NMD3: variants seen among roughly 807,000 people sequenced by gnomAD.
NMD3 encodes the protein 60S ribosomal export protein NMD3.
Under a neutral mutation model 73.1 loss-of-function variants are expected in NMD3, and 47 were observed. The observed-to-expected ratio is 0.64, with a 90% CI of 0.51 to 0.82. NMD3 has a LOEUF of 0.82. NMD3 is among the 40% of genes least tolerant of loss of function. The probability of loss-of-function intolerance (pLI) is 0.00; values close to 1 mark genes in which losing one functional copy is unlikely to be tolerated. For synonymous variants in NMD3, 210 were observed against 194.5 expected, an observed-to-expected ratio of 1.08 and a Z score of -0.66; for missense variants, 554 against 612.5, an observed-to-expected ratio of 0.90 and a Z score of 1.01.
downstream of NMD3, chr3:161,253,330 G>A (rs1304381260): frequency 2.6e-5 from 4 of 152,108 alleles, no homozygotes; most frequent in Non-Finnish European, 4.4e-5. Flanking sequence ...ACATAACTGG[G>A]TATGTTATTT....
chr3:161,224,718 C>G (rs1736239810), intron 2 of NMD3, among the ~76,000 whole-genome samples: 1 of 151,902 alleles, frequency 6.6e-6, no homozygotes, highest in Non-Finnish European at 1.5e-5. Context: ...AACTCCTTAT[C>G]TCAGGTGATC....
At position 161,242,497 on chromosome 3, in the gene NMD3, C is replaced by T. The variant is rs199645863; in HGVS notation, c.872-11C>T. On this transcript the variant is annotated splice_polypyrimidine_tract_variant and intron_variant, in intron 10 of 15. Coordinates refer to ENST00000351193, the MANE Select transcript of NMD3 (RefSeq NM_015938.5). Reference sequence around the variant, plus strand: ...TTTTCTTATGTTTTTGTGTTCTATCCTTATTTTTAGTGGCAGATATTGATG... The same window carrying T: ...TTTTCTTATGTTTTTGTGTTCTATCTTTATTTTTAGTGGCAGATATTGATG... 8.2e-5 allele frequency: 132 copies of T among 1,608,664 alleles called. No individual in the cohort carries two copies. In the East Asian group the frequency reaches 2.9e-3, roughly 35 times the overall value.
chr3:161,241,420 C>CT (rs35893497), intron 10 of NMD3, among the ~76,000 whole-genome samples: 35,994 of 126,160 alleles, frequency 0.29, 5,936 homozygotes, highest in East Asian at 0.52. Context: ...CTGAAATTGA[C>CT]TTTTTTTTTT....
At chr3:161,237,537 T>G (rs137890023) in intron 7 of NMD3, among the ~76,000 whole-genome samples, 1 of 132,230 alleles carries the variant, frequency 7.6e-6, no homozygotes, top group African/African-American at 2.9e-5. Context: ...AAAATAACTT[T>G]CTTTTTTTTT....
At chr3:161,226,421 TG>T (rs1371265283) in intron 3 of NMD3, among the ~76,000 whole-genome samples, 1 of 151,636 alleles carries the variant, frequency 6.6e-6, no homozygotes, top group African/African-American at 2.4e-5. Flanking sequence ...CACTCCATCC[TG>T]GGGGATGGAG....
chr3:161,240,932 T>C, intron 9 of NMD3, 114 bp from the exon 10 acceptor site: 1 of 568,578 alleles, frequency 1.8e-6, no homozygotes, highest in South Asian at 3.1e-5. Context: ...TTGATAGAAT[T>C]GAAAATAACG....
At chr3:161,227,529 C>T (rs1576843229) in intron 4 of NMD3, among the ~76,000 whole-genome samples, 186 bp downstream of exon 4, 1 of 140,614 alleles carries the variant, frequency 7.1e-6, no homozygotes. Flanking sequence ...CTCACTGCAA[C>T]CTCTGCCTCC....
At chr3:161,240,583 G>T (rs1736934551) in intron 9 of NMD3, among the ~76,000 whole-genome samples, 1 of 134,838 alleles carries the variant, frequency 7.4e-6, no homozygotes, top group Non-Finnish European at 1.5e-5. Flanking sequence ...AGAGTGCAGT[G>T]GCACCACCTT....
At chr3:161,247,832 G>A (rs1283525119) in intron 13 of NMD3, among the ~76,000 whole-genome samples, 1 of 151,734 alleles carries the variant, frequency 6.6e-6, no homozygotes, top group African/African-American at 2.4e-5. Context: ...TATTGACCAG[G>A]CTTGCGTGCA....
chr3:161,225,272 T>C (rs1221587034), intron 3 of NMD3, among the ~76,000 whole-genome samples: 1 of 152,254 alleles, frequency 6.6e-6, no homozygotes, highest in African/African-American at 2.4e-5. Flanking sequence ...AAAGATAGTG[T>C]AAATGTATTT....
rs1737376882 is a variant in NMD3, at chr3:161,249,239, A to AATTGTAC, written c.1204-213_1204-207dup. Reference sequence around the variant, plus strand: ...CTGAAAAATTTTAGCAAATTTTAACAATTGTACAAATAATGCTTGAATCCA... The same window carrying AATTGTAC: ...CTGAAAAATTTTAGCAAATTTTAACAATTGTACATTGTACAAATAATGCTTGAATCCA... On this transcript the variant is annotated intron_variant, in intron 13 of 15. Transcript: ENST00000351193. 5.3e-5 allele frequency among the ~76,000 whole-genome samples: 8 copies of AATTGTAC among 152,276 alleles called. No homozygotes were observed. In the South Asian group the frequency reaches 1.7e-3, roughly 32 times the overall value.
intron 2 of NMD3, 127 bp downstream of exon 2, chr3:161,222,184 G>C: frequency 4.0e-6 from 3 of 754,526 alleles, no homozygotes; most frequent in South Asian, 3.1e-5. Context: ...GGAAAAAATA[G>C]AAGTCTTATT....
chr3:161,225,889 CACAA>C (rs1396644497), intron 3 of NMD3, among the ~76,000 whole-genome samples: 1 of 151,780 alleles, frequency 6.6e-6, no homozygotes, highest in African/African-American at 2.4e-5. Context: ...CATATATATA[CACAA>C]ACACATGAAA....
intron 4 of NMD3, among the ~76,000 whole-genome samples, chr3:161,229,551 A>G (rs1310124669): frequency 1.3e-5 from 2 of 152,216 alleles, no homozygotes; most frequent in Non-Finnish European, 2.9e-5. Flanking sequence ...ACTTAAGTAG[A>G]AATACTGAGT....
At chr3:161,247,649 C>T (rs1737278179) in intron 13 of NMD3, among the ~76,000 whole-genome samples, 2 of 151,526 alleles carry the variant, frequency 1.3e-5, no homozygotes, top group East Asian at 3.9e-4. Flanking sequence ...ATTAGCCAGG[C>T]GTGGTAGTGC....
Position 161,238,094 on chromosome 3 carries a change from CTTT to C in NMD3, c.578-6_578-4del, listed in dbSNP as rs11344126. ...ATTTTGCATAATTATTTTCATAGGG[CTTT>C]TTTTTTTTTTTTAAGATGGTCTGGA... is the stretch of plus-strand genomic sequence containing the variant. On this transcript the variant is annotated splice_polypyrimidine_tract_variant and intron_variant, in intron 7 of 15. Coordinates refer to ENST00000351193, the MANE Select transcript of NMD3 (RefSeq NM_015938.5). 34,754 of 1,368,468 alleles carry C rather than the reference CTTT, an allele frequency of 0.025. 16 individuals are homozygous for C. The highest frequency in any genetic ancestry group is 0.069 in the East Asian group (2,705 of 39,148). The allele number at this position is 1,368,468 out of a possible 1,614,324, so 84.8% of individuals were successfully genotyped here. A position where few individuals can be genotyped will look rare whatever the true frequency, so the allele number is the denominator to read the frequency against.
chr3:161,250,490 A>C (rs1737440719), intron 15 of NMD3, among the ~76,000 whole-genome samples, 164 bp downstream of exon 15: 2 of 152,168 alleles, frequency 1.3e-5, no homozygotes, highest in African/African-American at 4.8e-5. Context: ...CAATAAATAA[A>C]ACTTAACAAA....
intron 11 of NMD3, among the ~76,000 whole-genome samples, chr3:161,244,811 C>CA (rs1236891418): frequency 1.3e-5 from 2 of 151,796 alleles, no homozygotes; most frequent in Non-Finnish European, 2.9e-5. Context: ...TTTGTAGAGT[C>CA]AATCTCACTG....
chr3:161,226,459 GA>G (rs572693118), intron 3 of NMD3, among the ~76,000 whole-genome samples: 2 of 150,322 alleles, frequency 1.3e-5, no homozygotes, highest in Admixed American at 6.6e-5. Flanking sequence ...AAGAAAAAAG[GA>G]AAAAAAAATA....
Sources: allele counts gnomAD v4.1 joint callset (sites outside exome capture counted in the v4.1 genomes callset), GRCh38; gene constraint gnomAD v4.1.1; transcripts MANE v1.5; gene names NCBI Gene and HGNC (gene_info 2026-07-23, HGNC 2026-07-21).